The following ZNF609 variants were observed in gnomAD, a reference collection of about 807,000 sequenced individuals.
ZNF609 encodes zinc finger protein 609.
A neutral mutation model predicts 109.5 loss-of-function variants in ZNF609; 11 were observed. The observed-to-expected ratio is 0.10, with a 90% CI of 0.06 to 0.17. ZNF609 has a LOEUF of 0.17. Ranked by LOEUF, ZNF609 falls within the 10% of genes least tolerant of loss-of-function variation. The pLI, the probability that ZNF609 is intolerant of heterozygous loss-of-function variation, is 1.00. For synonymous variants in ZNF609, 646 were observed against 662.0 expected (o/e 0.98, Z 0.37); for missense variants, 1,559 against 1,772.4 (o/e 0.88, Z 2.16).
chr15:64,529,232 G>A (rs1894018369), intron 2 of ZNF609: 11 of 718,280 alleles, frequency 1.5e-5, no homozygotes, highest in Admixed American at 8.8e-5. Context: ...CATTGCTGAC[G>A]ATCTTGAGGC....
At chr15:64,519,050 T>G (rs954530229) in intron 2 of ZNF609, among the ~76,000 whole-genome samples, 1 of 132,068 alleles carries the variant, frequency 7.6e-6, no homozygotes, top group African/African-American at 2.9e-5. Flanking sequence ...ATTAAAATTA[T>G]AAAAGTGAAA....
At chr15:64,625,145 A>G (rs950134335) in intron 3 of ZNF609, among the ~76,000 whole-genome samples, 10 of 152,140 alleles carry the variant, frequency 6.6e-5, no homozygotes, top group South Asian at 4.1e-4. Flanking sequence ...TGATTTTTCT[A>G]TTAATGTGTA....
intron 2 of ZNF609, among the ~76,000 whole-genome samples, chr15:64,537,517 A>G (rs1305511653): frequency 2.0e-5 from 3 of 147,502 alleles, no homozygotes; most frequent in African/African-American, 5.3e-5. Context: ...AAAAAAAAAG[A>G]AAAAGAAAAA....
intron 2 of ZNF609, among the ~76,000 whole-genome samples, chr15:64,525,441 A>G: frequency 6.6e-6 from 1 of 152,186 alleles, no homozygotes. Flanking sequence ...TGATCAACAT[A>G]TCTATCCTTA....
chr15:64,537,286 T>A (rs1471188782), intron 2 of ZNF609, among the ~76,000 whole-genome samples: 3 of 149,466 alleles, frequency 2.0e-5, no homozygotes, highest in Admixed American at 6.7e-5. Context: ...TCACCTGAGG[T>A]TGGGAGTTCG....
At chr15:64,647,554 C>G (rs55750548) in intron 3 of ZNF609, among the ~76,000 whole-genome samples, 8 of 152,152 alleles carry the variant, frequency 5.3e-5, no homozygotes, top group African/African-American at 1.9e-4. Context: ...AGACCCTTCT[C>G]TATATATTTC....
intron 3 of ZNF609, chr15:64,631,496 C>T (rs932822526): frequency 5.7e-6 from 4 of 696,034 alleles, no homozygotes; most frequent in South Asian, 1.4e-5. Flanking sequence ...CTTATAGATT[C>T]GCATATACAT....
chr15:64,463,792 A>G (rs984748434), intron 1 of ZNF609, among the ~76,000 whole-genome samples: 7 of 152,206 alleles, frequency 4.6e-5, no homozygotes, highest in Non-Finnish European at 8.8e-5. Context: ...TCTTTAGACT[A>G]TTTCCAACTC....
intron 1 of ZNF609, among the ~76,000 whole-genome samples, chr15:64,498,674 C>A (rs888155558): frequency 6.6e-6 from 1 of 152,062 alleles, no homozygotes; most frequent in Non-Finnish European, 1.5e-5. Context: ...TTGGTTGAGT[C>A]CCCTCTGAGA....
At chr15:64,590,095 C>T (rs931915497) in intron 2 of ZNF609, among the ~76,000 whole-genome samples, 8 of 152,178 alleles carry the variant, frequency 5.3e-5, no homozygotes, top group Non-Finnish European at 1.0e-4. Context: ...CATTTATGAA[C>T]TTAAATCTTT....
intron 2 of ZNF609, among the ~76,000 whole-genome samples, chr15:64,540,514 C>G (rs190399387): frequency 2.6e-5 from 4 of 151,912 alleles, no homozygotes; most frequent in Admixed American, 6.5e-5. Context: ...AAGTGATTCT[C>G]CTGCTTTAGC....
rs79312817 is a variant in ZNF609 at position 64,676,262 on chromosome 15, T to C, written c.3402+6T>C. ...CAATACTCTGGTACCGACAGGTAAC[T>C]GTTGCCCTGGGAGGAAGTGGAAATA... is the stretch of plus-strand genomic sequence containing the variant. On this transcript the variant is annotated splice_donor_region_variant and intron_variant, in intron 5 of 9. Coordinates refer to ENST00000326648, the MANE Select transcript of ZNF609 (RefSeq NM_015042.2). The C allele has an allele frequency of 3.7e-3, 5,825 of 1,589,978 alleles. 195 individuals are homozygous for C. The African/African-American group carries it at 0.069, about 19-fold the overall frequency.
At chr15:64,681,655 C>T (rs2083210502) in intron 9 of ZNF609, 37 bp from the exon 10 acceptor site, 1 of 361,350 alleles carries the variant, frequency 2.8e-6, no homozygotes, top group Non-Finnish European at 5.1e-6. Context: ...TACCAACAGG[C>T]TGAGTGCCTG....
At chr15:64,670,966 T>C (rs1896718051) in intron 4 of ZNF609, among the ~76,000 whole-genome samples, 1 of 151,284 alleles carries the variant, frequency 6.6e-6, no homozygotes. Context: ...TCCTAGCACT[T>C]TGGGAGGCCA....
At chr15:64,506,896 C>T (rs1347244403) in intron 2 of ZNF609, among the ~76,000 whole-genome samples, 1 of 152,202 alleles carries the variant, frequency 6.6e-6, no homozygotes, top group African/African-American at 2.4e-5. Context: ...CAACATTCCA[C>T]TTTACAGGAA....
At chr15:64,534,951 T>A (rs1894116972) in intron 2 of ZNF609, among the ~76,000 whole-genome samples, 1 of 151,856 alleles carries the variant, frequency 6.6e-6, no homozygotes, top group Non-Finnish European at 1.5e-5. Context: ...GAGAATTGCT[T>A]GAACCTGGGA....
intron 1 of ZNF609, among the ~76,000 whole-genome samples, chr15:64,472,599 TCTTC>T (rs1893107608): frequency 6.6e-6 from 1 of 152,146 alleles, no homozygotes; most frequent in South Asian, 2.1e-4. Context: ...GTGCGGTGGC[TCTTC>T]CTTGTAATCC....
At chr15:64,597,994 ATAAAT>A (rs1465005027) in intron 2 of ZNF609, among the ~76,000 whole-genome samples, 1 of 152,236 alleles carries the variant, frequency 6.6e-6, no homozygotes, top group Non-Finnish European at 1.5e-5. Context: ...AACTAGAAAA[ATAAAT>A]TATCAATGTA....
chr15:64,571,724 C>T (rs1294788941), intron 2 of ZNF609, among the ~76,000 whole-genome samples: 1 of 152,074 alleles, frequency 6.6e-6, no homozygotes, highest in East Asian at 1.9e-4. Context: ...GGCTGGAGGG[C>T]AGTGGTGAGA....
Sources: allele counts gnomAD v4.1 joint callset (sites outside exome capture counted in the v4.1 genomes callset), GRCh38; gene constraint gnomAD v4.1.1; transcripts MANE v1.5; gene names NCBI Gene and HGNC (gene_info 2026-07-23, HGNC 2026-07-21).